Variants in FAXDC2 observed in about 807,000 individuals in gnomAD.
FAXDC2 encodes the protein fatty acid hydroxylase domain-containing protein 2.
Under a neutral mutation model 40.9 loss-of-function variants are expected in FAXDC2, and 41 were observed. The ratio of observed to expected loss-of-function variants is 1.00; its 90% CI spans 0.78 to 1.30. FAXDC2 has a LOEUF of 1.30. FAXDC2 is among the 50% of genes most tolerant of loss of function. The probability of loss-of-function intolerance (pLI) is 0.00; values close to 1 mark genes in which losing one functional copy is unlikely to be tolerated. For missense variants in FAXDC2, 390 were observed against 408.8 expected (o/e 0.95, Z 0.40); for synonymous variants, 157 against 149.3 (o/e 1.05, Z -0.38).
chr5:154,822,408 G>T, intron 7 of FAXDC2, 64 bp downstream of exon 7: 1 of 1,105,354 alleles, frequency 9.0e-7, no homozygotes, highest in Non-Finnish European at 1.4e-6. Context: ...CTCTGCAGGA[G>T]ACCTTCAGGA....
intron 1 of FAXDC2, among the ~76,000 whole-genome samples, chr5:154,842,281 T>A (rs1476289365): frequency 1.3e-5 from 2 of 152,010 alleles, no homozygotes; most frequent in East Asian, 3.9e-4. Flanking sequence ...CACGGCAACC[T>A]CCACCTCCTG....
At chr5:154,826,921 G>C (rs1760053100) in intron 5 of FAXDC2, among the ~76,000 whole-genome samples, 1 of 152,142 alleles carries the variant, frequency 6.6e-6, no homozygotes, top group Non-Finnish European at 1.5e-5. Context: ...GTGAATCTAA[G>C]TGATATGTAA....
chr5:154,841,028 T>C (rs541573864), intron 1 of FAXDC2, among the ~76,000 whole-genome samples: 1 of 150,544 alleles, frequency 6.6e-6, no homozygotes, highest in East Asian at 1.9e-4. Flanking sequence ...AGGAAGAGCC[T>C]CTCAGGGAGA....
At chr5:154,828,597 G>GT (rs796669821) in intron 5 of FAXDC2, among the ~76,000 whole-genome samples, 200 of 144,682 alleles carry the variant, frequency 1.4e-3, no homozygotes, top group African/African-American at 2.7e-3. Flanking sequence ...TTAGTTTTTT[G>GT]TTTTTTTTTT....
chr5:154,842,671 C>T (rs1254785147), intron 1 of FAXDC2, among the ~76,000 whole-genome samples: 2 of 148,060 alleles, frequency 1.4e-5, no homozygotes, highest in Non-Finnish European at 1.5e-5. Context: ...TACAGGCACG[C>T]ACCACCATGC....
In FAXDC2 at chr5:154,819,921, C is replaced by A. The variant is rs1759835752; in HGVS notation, c.*395G>T. 1 of 159,638 alleles carries A rather than the reference C, an allele frequency of 6.3e-6. No homozygotes were observed. The highest frequency in any genetic ancestry group is 1.9e-4 in the South Asian group (1 of 5,354). The allele number at this position is 159,638 out of a possible 1,614,324, so 9.9% of individuals were successfully genotyped here. On this transcript the variant is annotated 3_prime_UTR_variant, in exon 9 of 9. Coordinates refer to ENST00000326080, the MANE Select transcript of FAXDC2 (RefSeq NM_032385.5). ...CCACCCTCTGGTCCCAGAAGGAGCTCTCGCTGGAGCCAGGCAGCCTCCAGT... is the reference window on the plus strand; with the variant it reads ...CCACCCTCTGGTCCCAGAAGGAGCTATCGCTGGAGCCAGGCAGCCTCCAGT...
chr5:154,822,559 T>C lies in FAXDC2; in HGVS notation c.591A>G (p.Thr197=). 1 of 1,614,074 alleles carries C rather than the reference T, an allele frequency of 6.2e-7. No homozygotes were observed. Among genetic ancestry groups the C allele is most frequent in the Non-Finnish European group, 8.5e-7 (1 of 1,179,926 alleles). The change falls in exon 7 of 9, where the codon ACA becomes ACG. Residue 197 remains threonine (T), a synonymous_variant. Transcript: ENST00000326080. ...GTTTCTTGTGGATTTTCTTGTAGAA[T>C]GTTGGGTGGTGAAGGAGCCTGGGGA... ...YYSHRLLHHP[T]FYKKIHKKHH... is the part of the protein sequence containing the mutation.
chr5:154,827,475 G>A (rs1168119425), intron 5 of FAXDC2, among the ~76,000 whole-genome samples: 4 of 144,412 alleles, frequency 2.8e-5, no homozygotes, highest in Admixed American at 2.8e-4. Context: ...CTGTTTTTTT[G>A]TGAGAGAGGA....
rs758984593 is a variant in FAXDC2, at chr5:154,821,355, C to T, written c.750G>A (p.Trp250Ter). 43 of 1,611,114 alleles carry T rather than the reference C, an allele frequency of 2.7e-5. No homozygotes were observed. The highest frequency in any genetic ancestry group is 4.0e-5 in the African/African-American group (3 of 74,642). Residue 250 changes from tryptophan (W) to a stop codon, truncating the protein, a stop_gained, in exon 8 of 9, where the codon TGG becomes TGA. Transcript: ENST00000326080. LOFTEE classifies it high-confidence loss of function. ...MGSHLSSITM[W>*]FSLALIITTI... ...TGGTGATGATGAGGGCCAAGGAAAA[C>T]CACATGGTGATGGAGGACAAGTGGG...
At position 154,820,970 on chromosome 5, in the gene FAXDC2, TTGCC is replaced by T; in HGVS notation, c.845+286_845+289del. The T allele has an allele frequency of 8.4e-6, 3 of 358,488 alleles. No individual in the cohort carries two copies. In the South Asian group the frequency reaches 1.3e-4, roughly 15 times the overall value. The allele number at this position is 358,488 out of a possible 1,614,324, so 22.2% of individuals were successfully genotyped here. ...TCAGAGATACATGACTTCCTTGTGATTGCCTGCAGGAGTTTTATGCATATATGTA... is the reference window on the plus strand; with the variant it reads ...TCAGAGATACATGACTTCCTTGTGATTGCAGGAGTTTTATGCATATATGTA... On this transcript the variant is annotated intron_variant, in intron 8 of 8. Coordinates refer to ENST00000326080, the MANE Select transcript of FAXDC2 (RefSeq NM_032385.5).
rs1760580894 is a variant in FAXDC2 at position 154,845,638 on chromosome 5, A to G, written c.-1+4845T>C. 3.4e-5 allele frequency among the ~76,000 whole-genome samples: 5 copies of G among 146,966 alleles called. No individual in the cohort carries two copies. The South Asian group carries it at 1.1e-3, about 31-fold the overall frequency. ...CATGCTGCAGCCTGGGCCACAGAGG[A>G]AGACTCTCAAAAAACAAAACAAAAA... On this transcript the variant is annotated intron_variant, in intron 1 of 8. Coordinates refer to ENST00000326080, the MANE Select transcript of FAXDC2 (RefSeq NM_032385.5).
intron 5 of FAXDC2, chr5:154,824,744 T>C: frequency 1.8e-6 from 1 of 570,792 alleles, no homozygotes; most frequent in Admixed American, 3.0e-5. Context: ...CCTGCCCCCA[T>C]GGAATTTATG....
chr5:154,838,094 A>T, intron 2 of FAXDC2, 37 bp downstream of exon 2: 1 of 1,411,300 alleles, frequency 7.1e-7, no homozygotes, highest in Non-Finnish European at 1.0e-6. Context: ...CACTGACTAC[A>T]TTCTCACCAG....
chr5:154,835,734 C>T (rs974827653), intron 2 of FAXDC2, among the ~76,000 whole-genome samples: 1 of 151,804 alleles, frequency 6.6e-6, no homozygotes, highest in Admixed American at 6.6e-5. Context: ...GAGCCCGCCA[C>T]CACACCCGGC....
intron 5 of FAXDC2, among the ~76,000 whole-genome samples, chr5:154,826,537 A>G (rs979070389): frequency 6.6e-6 from 1 of 151,786 alleles, no homozygotes; most frequent in Admixed American, 6.6e-5. Flanking sequence ...TAAAAAAAAA[A>G]AAAAAAAAAG....
At chr5:154,837,754 C>A (rs574537588) in intron 2 of FAXDC2, among the ~76,000 whole-genome samples, 2 of 152,248 alleles carry the variant, frequency 1.3e-5, no homozygotes, top group African/African-American at 4.8e-5. Flanking sequence ...TAGCTGGGGT[C>A]AAGGGCCAGT....
At chr5:154,825,492 A>G (rs1760005832) in intron 5 of FAXDC2, among the ~76,000 whole-genome samples, 1 of 151,240 alleles carries the variant, frequency 6.6e-6, no homozygotes, top group African/African-American at 2.4e-5. Context: ...CCCTGTCTCT[A>G]CTAAAAATAC....
Position 154,821,404 on chromosome 5 carries a change from A to G in FAXDC2, c.701T>C (p.Ile234Thr). Residue 234 changes from isoleucine to threonine, a missense_variant, in exon 8 of 9, where the codon ATA (isoleucine) becomes ACA (threonine). Coordinates refer to ENST00000326080, the MANE Select transcript of FAXDC2 (RefSeq NM_032385.5). Reference sequence around the variant, plus strand: ...GGAGCCCATTACTAATGGGCCCACTATCACCGGTAGCATGTTGGAGACCTG... The same window carrying G: ...GGAGCCCATTACTAATGGGCCCACTGTCACCGGTAGCATGTTGGAGACCTG... The part of the protein sequence containing the change: ...EHAVSNMLPV[I>T]VGPLVMGSHL... 6.2e-7 allele frequency: 1 copy of G among 1,612,296 alleles called. No homozygotes were observed. The highest frequency in any genetic ancestry group is 8.5e-7 in the Non-Finnish European group (1 of 1,179,318).
At chr5:154,824,528 C>T (rs901669862) in intron 5 of FAXDC2, 10 of 702,596 alleles carry the variant, frequency 1.4e-5, no homozygotes, top group Admixed American at 6.0e-5. Flanking sequence ...TGTTTACTTC[C>T]ATCCCATTGC....
Sources: gnomAD v4.1 joint callset for allele counts (sites outside exome capture counted in the v4.1 genomes callset) on GRCh38, gnomAD v4.1.1 for gene constraint, MANE v1.5 for transcripts, NCBI Gene and HGNC (gene_info 2026-07-23, HGNC 2026-07-21) for gene names.